Variants in SHC3 observed in about 807,000 individuals in gnomAD.
SHC3 encodes the protein SHC-transforming protein 3.
SHC3 carries 15 observed loss-of-function variants against 60.4 expected under a neutral mutation model. That is an observed-to-expected ratio of 0.25 (90% CI 0.17 to 0.38). The LOEUF (loss-of-function observed/expected upper bound fraction) is 0.38, where lower values mean the gene tolerates loss of function less well. SHC3 is among the 10% of genes least tolerant of loss of function. The pLI is 1.00. For missense variants in SHC3, 677 were observed against 786.1 expected, an observed-to-expected ratio of 0.86 and a Z score of 1.66; for synonymous variants, 294 against 325.9, an observed-to-expected ratio of 0.90 and a Z score of 1.05.
At chr9:89,077,195 A>AAC (rs1554693326) in intron 3 of SHC3, among the ~76,000 whole-genome samples, 118 of 151,698 alleles carry the variant, frequency 7.8e-4, no homozygotes, top group African/African-American at 2.8e-3. Flanking sequence ...AAAAAAAAAA[A>AAC]CAAAAAAAAA....
intron 1 of SHC3, among the ~76,000 whole-genome samples, chr9:89,175,852 T>C (rs1826935230): frequency 6.6e-6 from 1 of 152,218 alleles, no homozygotes; most frequent in Non-Finnish European, 1.5e-5. Flanking sequence ...TTAACAATTT[T>C]TCAATAAAAT....
At chr9:89,066,754 C>T (rs536879561) in intron 5 of SHC3, among the ~76,000 whole-genome samples, 7 of 152,280 alleles carry the variant, frequency 4.6e-5, no homozygotes, top group South Asian at 2.1e-4. Flanking sequence ...AAGGCTCTGT[C>T]GTGACTTGCT....
chr9:89,078,524 C>T lies in SHC3; in HGVS notation c.546-621G>A, dbSNP rs140317390. ...AACCGCACTGGTGAGGCTGCTGGGA[C>T]GTGCAGGCATGGGTCCCGGTGGAGG... On this transcript the variant is annotated intron_variant, in intron 2 of 11. Transcript: ENST00000375835. Among the ~76,000 whole-genome samples, 8 of 152,080 alleles carry T rather than the reference C, an allele frequency of 5.3e-5. No individual in the cohort carries two copies. The South Asian group carries it at 8.4e-4, about 16-fold the overall frequency.
In SHC3 at chr9:89,016,182, A is replaced by C. The variant is rs184832199; in HGVS notation, c.1657-2607T>G. Among the ~76,000 whole-genome samples the C allele has an allele frequency of 1.6e-3, 250 of 152,224 alleles. 1 individual carries two copies. Among genetic ancestry groups the C allele is most frequent in the Non-Finnish European group, 3.1e-3 (213 of 68,010 alleles). On this transcript the variant is annotated intron_variant, in intron 11 of 11. Coordinates refer to ENST00000375835, the MANE Select transcript of SHC3 (RefSeq NM_016848.6). ...GCCAGGCTAAGAAAAAAAGATTATA[A>C]GACCCAAATTATCAATATAAGAAAG...
intron 1 of SHC3, among the ~76,000 whole-genome samples, chr9:89,165,306 T>C (rs1268949423): frequency 1.3e-5 from 2 of 149,138 alleles, no homozygotes; most frequent in African/African-American, 5.1e-5. Context: ...CCTGGAAATA[T>C]AAGTAGCAGA....
At chr9:89,019,055 T>A in intron 11 of SHC3, among the ~76,000 whole-genome samples, 1 of 147,392 alleles carries the variant, frequency 6.8e-6, no homozygotes, top group Admixed American at 6.8e-5. Flanking sequence ...CAAGACTCTG[T>A]CTCAGAGAAA....
intron 11 of SHC3, among the ~76,000 whole-genome samples, chr9:89,029,575 G>T (rs1037290011): frequency 6.6e-6 from 1 of 152,110 alleles, no homozygotes; most frequent in African/African-American, 2.4e-5. Flanking sequence ...CCAAGAAAGA[G>T]GAAGATATAG....
intron 1 of SHC3, among the ~76,000 whole-genome samples, chr9:89,144,760 G>C (rs377289148): frequency 6.6e-6 from 1 of 151,472 alleles, no homozygotes; most frequent in Non-Finnish European, 1.5e-5. Context: ...AGTATTTATT[G>C]CTTTGGTACT....
chr9:89,013,985 T>C (rs769509025), intron 11 of SHC3, among the ~76,000 whole-genome samples: 6 of 152,154 alleles, frequency 3.9e-5, no homozygotes, highest in Admixed American at 6.5e-5. Flanking sequence ...GGCCTTTGCA[T>C]GGACATCTCC....
chr9:89,048,229 G>C (rs1444175851), intron 7 of SHC3, among the ~76,000 whole-genome samples: 5 of 118,490 alleles, frequency 4.2e-5, no homozygotes, highest in Non-Finnish European at 8.3e-5. Flanking sequence ...GGGCAATGGA[G>C]TAAGACTCCA....
chr9:89,061,880 C>G (rs948240541), intron 6 of SHC3, among the ~76,000 whole-genome samples: 9 of 151,934 alleles, frequency 5.9e-5, no homozygotes, highest in Non-Finnish European at 1.0e-4. Flanking sequence ...GTTATCAGAT[C>G]AAAAAAACAT....
intron 6 of SHC3, among the ~76,000 whole-genome samples, chr9:89,054,967 G>A (rs4877044): frequency 0.081 from 12,274 of 152,332 alleles, 665 homozygotes; most frequent in Admixed American, 0.12. Context: ...AGCCACCTGA[G>A]CCATGACATC....
At chr9:89,060,883 G>T (rs1000994886) in intron 6 of SHC3, among the ~76,000 whole-genome samples, 1 of 152,104 alleles carries the variant, frequency 6.6e-6, no homozygotes, top group African/African-American at 2.4e-5. Flanking sequence ...AGGAAAGAAG[G>T]CAGAGAACTG....
Position 89,068,670 on chromosome 9 carries a change from A to T in SHC3, c.783+2529T>A, listed in dbSNP as rs190738187. On this transcript the variant is annotated intron_variant, in intron 5 of 11. Transcript: ENST00000375835. Reference sequence around the variant, plus strand: ...TACTAAATGTTTCCAATTTTTTTTAAAAAAAAATAAGATGTGATGAGGAAA... The same window carrying T: ...TACTAAATGTTTCCAATTTTTTTTATAAAAAAATAAGATGTGATGAGGAAA... Among the ~76,000 whole-genome samples the T allele has an allele frequency of 3.2e-3, 486 of 151,768 alleles. 3 individuals are homozygous for T. Among genetic ancestry groups the T allele is most frequent in the Admixed American group, 7.1e-3 (108 of 15,200 alleles).
chr9:89,059,689 G>GAC (rs1825040039), intron 6 of SHC3, among the ~76,000 whole-genome samples: 1 of 147,534 alleles, frequency 6.8e-6, no homozygotes, highest in Admixed American at 6.8e-5. Flanking sequence ...GGTGGTGGAG[G>GAC]ATGGTGGTGG....
chr9:89,034,998 T>C (rs1296511082), intron 11 of SHC3, among the ~76,000 whole-genome samples: 1 of 152,198 alleles, frequency 6.6e-6, no homozygotes, highest in African/African-American at 2.4e-5. Flanking sequence ...ATGTTCCATA[T>C]AAATGTTAAA....
At chr9:89,103,160 A>G (rs550507163) in intron 2 of SHC3, among the ~76,000 whole-genome samples, 10 of 152,324 alleles carry the variant, frequency 6.6e-5, no homozygotes, top group Middle Eastern at 6.8e-3. Flanking sequence ...ATAAGCAACG[A>G]TGTTTAATAG....
intron 1 of SHC3, among the ~76,000 whole-genome samples, chr9:89,148,894 T>C (rs1465497838): frequency 6.6e-6 from 1 of 152,240 alleles, no homozygotes; most frequent in Non-Finnish European, 1.5e-5. Flanking sequence ...CAAAGCCCTA[T>C]AAAACTTGCA....
chr9:89,017,168 A>G (rs1826111282), intron 11 of SHC3, among the ~76,000 whole-genome samples: 1 of 152,214 alleles, frequency 6.6e-6, no homozygotes, highest in African/African-American at 2.4e-5. Context: ...ATATGGAACC[A>G]AAAAAGAGCC....
Sources: allele counts gnomAD v4.1 joint callset (sites outside exome capture counted in the v4.1 genomes callset), GRCh38; gene constraint gnomAD v4.1.1; transcripts MANE v1.5; gene names NCBI Gene and HGNC (gene_info 2026-07-23, HGNC 2026-07-21).